CRYBG1: variants seen among roughly 807,000 people sequenced by gnomAD.
The protein encoded by CRYBG1 is crystallin beta-gamma domain containing 1, also known as beta/gamma crystallin domain-containing protein 1.
In CRYBG1, 139 loss-of-function variants were observed where a neutral mutation model predicts 189.2. The observed-to-expected ratio is 0.73, with a 90% confidence interval of 0.64 to 0.85. The LOEUF is 0.85. Among genes scored for constraint, CRYBG1 ranks in the 40% least tolerant of loss-of-function variants. The pLI, the probability that CRYBG1 is intolerant of heterozygous loss-of-function variation, is 0.00. For synonymous variants in CRYBG1, 1,023 were observed against 1,017.1 expected (o/e 1.01, Z -0.11); for missense variants, 2,611 against 2,675.8 (o/e 0.98, Z 0.53).
In CRYBG1 at chr6:106,392,101, A is replaced by G. The variant is rs186007952; in HGVS notation, c.173+31020A>G. On this transcript the variant is annotated intron_variant, in intron 1 of 21. Transcript: ENST00000633556. ...TATCACCCCTTAGAAAATGCAAAGAAGGCTCTCAGTGCGATGAGGTTTAGT... is the reference window on the plus strand; with the variant it reads ...TATCACCCCTTAGAAAATGCAAAGAGGGCTCTCAGTGCGATGAGGTTTAGT... 2.0e-5 allele frequency among the ~76,000 whole-genome samples: 3 copies of G among 152,214 alleles called. No homozygotes were observed. The East Asian group carries it at 5.8e-4, about 29-fold the overall frequency.
At chr6:106,558,313 T>C (rs1774608447) in intron 17 of CRYBG1, among the ~76,000 whole-genome samples, 173 bp from the exon 18 acceptor site, 1 of 152,184 alleles carries the variant, frequency 6.6e-6, no homozygotes, top group African/African-American at 2.4e-5. Flanking sequence ...CCCTCTGTGC[T>C]TTCTCTCTAG....
intron 3 of CRYBG1, among the ~76,000 whole-genome samples, chr6:106,518,395 GT>G (rs1346330153): frequency 6.6e-6 from 1 of 152,206 alleles, no homozygotes; most frequent in Non-Finnish European, 1.5e-5. Context: ...TATTTAAAAA[GT>G]TATGCTAAAA....
chr6:106,398,098 T>C (rs894810304), intron 1 of CRYBG1, among the ~76,000 whole-genome samples: 1 of 152,186 alleles, frequency 6.6e-6, no homozygotes, highest in African/African-American at 2.4e-5. Context: ...CATTTTTTTC[T>C]CCAGGAAGTT....
At chr6:106,488,654 G>C (rs754623443) in intron 2 of CRYBG1, among the ~76,000 whole-genome samples, 28 of 152,268 alleles carry the variant, frequency 1.8e-4, no homozygotes, top group African/African-American at 4.3e-4. Flanking sequence ...TGTCAGGCAG[G>C]GGGGTGGGTG....
Position 106,512,176 on chromosome 6 carries a change from C to A in CRYBG1, c.1059C>A (p.His353Gln), listed in dbSNP as rs1384280561. Residue 353 changes from histidine (H) to glutamine (Q), a missense_variant, in exon 3 of 22, where the codon CAC becomes CAA. Transcript: ENST00000633556. The stretch of plus-strand genomic sequence containing the variant: ...AGCCTCCGGCCGAGGGCGCAGCGCA[C>A]ACGGCCAGCTCCGCGCAGGCAGACT... Reference protein sequence around the residue: ...PGEPPAEGAAHTASSAQADCT... With the variant: ...PGEPPAEGAAQTASSAQADCT... The A allele has an allele frequency of 5.2e-6, 8 of 1,534,652 alleles. No individual in the cohort carries two copies. The highest frequency in any genetic ancestry group is 7.0e-6 in the Non-Finnish European group (8 of 1,146,080).
chr6:106,521,777 G>T (rs1262841852), intron 4 of CRYBG1, among the ~76,000 whole-genome samples: 1 of 136,770 alleles, frequency 7.3e-6, no homozygotes, highest in Non-Finnish European at 1.5e-5. Context: ...GGAGTGCAGT[G>T]GTGCAATCTC....
intron 2 of CRYBG1, among the ~76,000 whole-genome samples, chr6:106,484,678 T>C (rs994837608): frequency 2.6e-5 from 4 of 152,240 alleles, no homozygotes; most frequent in Admixed American, 2.0e-4. Flanking sequence ...TGTGGTTCCA[T>C]ATGAATTGTA....
chr6:106,466,689 C>T (rs1426022856), intron 2 of CRYBG1, among the ~76,000 whole-genome samples: 1 of 152,130 alleles, frequency 6.6e-6, no homozygotes, highest in African/African-American at 2.4e-5. Flanking sequence ...TTCTTTCTGT[C>T]TTACAATTAG....
At chr6:106,444,100 T>C (rs534593915) in intron 1 of CRYBG1, among the ~76,000 whole-genome samples, 16 of 152,328 alleles carry the variant, frequency 1.1e-4, no homozygotes, top group African/African-American at 3.8e-4. Flanking sequence ...ATACCCTCTT[T>C]TGCATTATTA....
chr6:106,372,459 C>T (rs1213986263), intron 1 of CRYBG1, among the ~76,000 whole-genome samples: 2 of 152,140 alleles, frequency 1.3e-5, no homozygotes, highest in Non-Finnish European at 1.5e-5. Context: ...GCCATGTTGG[C>T]CAGGCTGCTC....
At chr6:106,373,005 A>G (rs1770070435) in intron 1 of CRYBG1, among the ~76,000 whole-genome samples, 1 of 152,214 alleles carries the variant, frequency 6.6e-6, no homozygotes, top group Non-Finnish European at 1.5e-5. Flanking sequence ...AGTAGTTGGT[A>G]GAGGCTGTGT....
At chr6:106,438,247 G>A (rs1294872406) in intron 1 of CRYBG1, among the ~76,000 whole-genome samples, 3 of 152,198 alleles carry the variant, frequency 2.0e-5, no homozygotes, top group African/African-American at 7.2e-5. Context: ...AGAAATACCT[G>A]TTATTTCATC....
chr6:106,482,568 G>A (rs1162434516), intron 2 of CRYBG1, among the ~76,000 whole-genome samples: 2 of 152,160 alleles, frequency 1.3e-5, no homozygotes, highest in Non-Finnish European at 2.9e-5. Flanking sequence ...AAGGTCAGGA[G>A]ATCGAGACCA....
At chr6:106,461,361 T>G (rs1772005601) in intron 2 of CRYBG1, among the ~76,000 whole-genome samples, 1 of 152,182 alleles carries the variant, frequency 6.6e-6, no homozygotes, top group Admixed American at 6.5e-5. Context: ...TTCTCTGACA[T>G]CCTTACATTT....
intron 1 of CRYBG1, among the ~76,000 whole-genome samples, chr6:106,363,855 A>G (rs1232455284): frequency 1.3e-5 from 2 of 152,174 alleles, no homozygotes; most frequent in Non-Finnish European, 2.9e-5. Context: ...TTATGTTATT[A>G]AGTGCAAAAA....
In CRYBG1 at chr6:106,543,443, G is replaced by C; in HGVS notation, c.4885G>C (p.Val1629Leu). The change falls in exon 11 of 22, where the codon GTT (valine) becomes CTT (leucine). Residue 1629 changes from valine to leucine, a missense_variant. By Grantham distance (32) the Val-to-Leu change is conservative. Around this residue, in one of 3 missense-constraint regions of CRYBG1, gnomAD observed 1,622 missense variants for 1,735.0 expected, o/e 0.93. Coordinates refer to ENST00000633556, the MANE Select transcript of CRYBG1 (RefSeq NM_001371242.2). ...KVEFPTDPKV[V>L]VYEKPFFEGK... ...GTATATCTCATTTCTATTGTAGGTAGTTGTTTATGAAAAGCCTTTCTTTGA... is the reference window on the plus strand; with the variant it reads ...GTATATCTCATTTCTATTGTAGGTACTTGTTTATGAAAAGCCTTTCTTTGA... The C allele has an allele frequency of 1.2e-6, 2 of 1,612,086 alleles. No homozygotes were observed. The highest frequency in any genetic ancestry group is 1.1e-5 in the South Asian group (1 of 91,026).
chr6:106,400,213 C>G (rs932363447), intron 1 of CRYBG1, among the ~76,000 whole-genome samples: 4 of 151,636 alleles, frequency 2.6e-5, no homozygotes, highest in Non-Finnish European at 5.9e-5. Context: ...CTCCTGGGCT[C>G]GAGTAATGCT....
In CRYBG1 at chr6:106,561,337, T is replaced by C. The variant is rs769091736; in HGVS notation, c.5980-5T>C. 6 of 1,613,640 alleles carry C rather than the reference T, an allele frequency of 3.7e-6. 1 individual carries two copies. In the South Asian group the frequency reaches 6.6e-5, roughly 18 times the overall value. The stretch of plus-strand genomic sequence containing the variant: ...ATAACAACTGCTGGGGGTTTTGTCT[T>C]CTAGAAGCGAATTTATTTCAGACTT... On this transcript the variant is annotated splice_polypyrimidine_tract_variant and splice_region_variant and intron_variant, in intron 19 of 21. Coordinates refer to ENST00000633556, the MANE Select transcript of CRYBG1 (RefSeq NM_001371242.2).
At chr6:106,447,151 G>GT (rs1467030269) in intron 1 of CRYBG1, among the ~76,000 whole-genome samples, 1 of 152,122 alleles carries the variant, frequency 6.6e-6, no homozygotes, top group Non-Finnish European at 1.5e-5. Flanking sequence ...GCATTTGGCG[G>GT]TTGTTTTATG....
Sources: gnomAD v4.1 joint callset for allele counts (sites outside exome capture counted in the v4.1 genomes callset) on GRCh38, gnomAD v4.1.1 for gene constraint, gnomAD v4.1.1 regional missense constraint, MANE v1.5 for transcripts, NCBI Gene and HGNC (gene_info 2026-07-23, HGNC 2026-07-21) for gene names.